The following ITGA1 variants were observed in gnomAD, a reference collection of about 807,000 sequenced individuals.
ITGA1 encodes the protein integrin subunit alpha 1.
Under a neutral mutation model 145.9 loss-of-function variants are expected in ITGA1, and 85 were observed. The ratio of observed to expected loss-of-function variants is 0.58; its 90% CI spans 0.49 to 0.70. The LOEUF (loss-of-function observed/expected upper bound fraction) is 0.70, where lower values mean the gene tolerates loss of function less well. Ranked by LOEUF, ITGA1 falls within the 30% of genes least tolerant of loss-of-function variation. ITGA1 has a pLI of 0.00. For synonymous variants in ITGA1, 520 were observed against 495.3 expected, an observed-to-expected ratio of 1.05 and a Z score of -0.66; for missense variants, 1,351 against 1,418.7, an observed-to-expected ratio of 0.95 and a Z score of 0.77.
In ITGA1 at chr5:52,846,457, A is replaced by G. The variant is rs148292745; in HGVS notation, c.62-2908A>G. Among the ~76,000 whole-genome samples the G allele has an allele frequency of 1.8e-4, 27 of 152,320 alleles. 1 individual carries two copies. In the South Asian group the frequency reaches 4.8e-3, roughly 27 times the overall value. The stretch of plus-strand genomic sequence containing the variant: ...GTGTCTAAACATATCTAAACATAGA[A>G]AAGGTACACTAAAGCTATTGTATTA... On this transcript the variant is annotated intron_variant, in intron 1 of 28. Coordinates refer to ENST00000282588, the MANE Select transcript of ITGA1 (RefSeq NM_181501.2).
chr5:52,931,021 T>C (rs771022463), intron 21 of ITGA1: 8 of 152,096 alleles, frequency 5.3e-5, no homozygotes, highest in Non-Finnish European at 8.8e-5. Context: ...CAAATACCTA[T>C]AATCCAAGGC....
chr5:52,889,089 C>T (rs7706201), intron 8 of ITGA1, among the ~76,000 whole-genome samples: 65,350 of 127,522 alleles, frequency 0.51, 15,068 homozygotes, highest in African/African-American at 0.64. Flanking sequence ...ATTTCAGTTG[C>T]TGCTCTAAAC....
At chr5:52,889,151 A>G (rs1027691594) in intron 8 of ITGA1, among the ~76,000 whole-genome samples, 1 of 151,270 alleles carries the variant, frequency 6.6e-6, no homozygotes, top group Non-Finnish European at 1.5e-5. Context: ...CCCAGGCTGG[A>G]GTGAAGTGGC....
intron 1 of ITGA1, among the ~76,000 whole-genome samples, chr5:52,811,406 T>C (rs988645604): frequency 1.3e-5 from 2 of 152,234 alleles, no homozygotes; most frequent in Non-Finnish European, 2.9e-5. Flanking sequence ...CTTGTTATTT[T>C]TGCGATCATG....
rs535804081 is a variant in ITGA1 at position 52,823,046 on chromosome 5, C to G, written c.62-26319C>G. 6.0e-4 allele frequency among the ~76,000 whole-genome samples: 92 copies of G among 152,196 alleles called. 1 individual carries two copies. Among genetic ancestry groups the G allele is most frequent in the African/African-American group, 2.1e-3 (88 of 41,540 alleles). ...TGTATTGCATGGTCAAAAGAGGGCTCCAAGGAACCAGGTCTAACAAGCTTT... is the reference window on the plus strand; with the variant it reads ...TGTATTGCATGGTCAAAAGAGGGCTGCAAGGAACCAGGTCTAACAAGCTTT... On this transcript the variant is annotated intron_variant, in intron 1 of 28. Coordinates refer to ENST00000282588, the MANE Select transcript of ITGA1 (RefSeq NM_181501.2).
chr5:52,839,323 T>G (rs1482348805), intron 1 of ITGA1, among the ~76,000 whole-genome samples: 2 of 152,238 alleles, frequency 1.3e-5, no homozygotes, highest in Non-Finnish European at 2.9e-5. Context: ...AATATGTTTT[T>G]TGTTTTCATT....
Position 52,952,429 on chromosome 5 carries a change from T to A in ITGA1, c.3518T>A (p.Leu1173Gln), listed in dbSNP as rs1477465099. 7.0e-7 allele frequency: 1 copy of A among 1,418,528 alleles called. No individual in the cohort carries two copies. Among genetic ancestry groups the A allele is most frequent in the Non-Finnish European group, 9.6e-7 (1 of 1,037,286 alleles). 87.9% of individuals were successfully genotyped at this position (1,418,528 alleles called of 1,614,324 possible). A position where few individuals can be genotyped will look rare whatever the true frequency, so the allele number is the denominator to read the frequency against. Reference protein sequence around the residue: ...LWKIGFFKRPLKKKMEK With the variant: ...LWKIGFFKRPQKKKMEK The stretch of plus-strand genomic sequence containing the variant: ...CAGATTGGATTCTTCAAAAGACCAC[T>A]GAAAAAGAAAATGGAGAAATGAAAT... Residue 1173 changes from leucine (L) to glutamine (Q), a missense_variant, in exon 29 of 29, where the codon CTG becomes CAG. Leu to Gln is a moderately radical substitution (Grantham distance 113). Coordinates refer to ENST00000282588, the MANE Select transcript of ITGA1 (RefSeq NM_181501.2).
Position 52,843,155 on chromosome 5 carries a change from A to G in ITGA1, c.62-6210A>G, listed in dbSNP as rs114493495. Among the ~76,000 whole-genome samples, 818 of 152,288 alleles carry G rather than the reference A, an allele frequency of 5.4e-3. 2 individuals carry two copies. The highest frequency in any genetic ancestry group is 8.5e-3 in the Non-Finnish European group (579 of 68,024). ...TCTCCAGGGATCACTATCTTTCTATACCACCAAAGAATTTGCCCTAAAACC... is the reference window on the plus strand; with the variant it reads ...TCTCCAGGGATCACTATCTTTCTATGCCACCAAAGAATTTGCCCTAAAACC... On this transcript the variant is annotated intron_variant, in intron 1 of 28. Coordinates refer to ENST00000282588, the MANE Select transcript of ITGA1 (RefSeq NM_181501.2).
intron 1 of ITGA1, among the ~76,000 whole-genome samples, chr5:52,795,813 A>C (rs13188662): frequency 6.6e-6 from 1 of 151,702 alleles, no homozygotes; most frequent in Non-Finnish European, 1.5e-5. Context: ...CAAATGAGAG[A>C]GCAGGACAAA....
intron 1 of ITGA1, among the ~76,000 whole-genome samples, chr5:52,848,341 A>G (rs1013265622): frequency 2.0e-5 from 3 of 152,202 alleles, no homozygotes; most frequent in African/African-American, 4.8e-5. Flanking sequence ...TGAAATGGGA[A>G]AATGAGCTGT....
chr5:52,843,684 G>C (rs144799854), intron 1 of ITGA1, among the ~76,000 whole-genome samples: 1 of 152,264 alleles, frequency 6.6e-6, no homozygotes, highest in African/African-American at 2.4e-5. Flanking sequence ...GACTTTTGAG[G>C]ATTGTTGTGA....
chr5:52,950,730 G>C (rs1268620276), intron 28 of ITGA1, among the ~76,000 whole-genome samples: 1 of 152,140 alleles, frequency 6.6e-6, no homozygotes, highest in Non-Finnish European at 1.5e-5. Context: ...TTTTAAAATA[G>C]AACATTTAAT....
At chr5:52,810,870 G>C (rs1199672965) in intron 1 of ITGA1, among the ~76,000 whole-genome samples, 5 of 152,192 alleles carry the variant, frequency 3.3e-5, no homozygotes, top group Non-Finnish European at 7.3e-5. Context: ...AAACGGGCAA[G>C]TAGGTAGGAA....
Position 52,847,814 on chromosome 5 carries a change from G to A in ITGA1, c.62-1551G>A, listed in dbSNP as rs187618256. On this transcript the variant is annotated intron_variant, in intron 1 of 28. Coordinates refer to ENST00000282588, the MANE Select transcript of ITGA1 (RefSeq NM_181501.2). The stretch of plus-strand genomic sequence containing the variant: ...AGGTGATCCACCCACCTCTCAAAGT[G>A]CTGGGATTACAGGCATGAGCCATCA... 1.5e-3 allele frequency among the ~76,000 whole-genome samples: 229 copies of A among 152,294 alleles called. 1 individual carries two copies. Among genetic ancestry groups the A allele is most frequent in the Non-Finnish European group, 2.5e-3 (167 of 68,030 alleles).
At chr5:52,820,052 T>C (rs1561217914) in intron 1 of ITGA1, among the ~76,000 whole-genome samples, 1 of 151,722 alleles carries the variant, frequency 6.6e-6, no homozygotes, top group Non-Finnish European at 1.5e-5. Context: ...ACTGTAGCCT[T>C]GTAGTATAAT....
chr5:52,864,126 A>C (rs901690865), intron 3 of ITGA1: 4 of 151,966 alleles, frequency 2.6e-5, no homozygotes, highest in African/African-American at 9.7e-5. Context: ...TTTCTTTTTT[A>C]GTGTGAGAAA....
intron 22 of ITGA1, chr5:52,933,187 CTCTCTT>C (rs1204700535): frequency 6.6e-6 from 1 of 151,968 alleles, no homozygotes; most frequent in East Asian, 1.9e-4. Flanking sequence ...CTATGGCACT[CTCTCTT>C]TACTAAATGG....
intron 1 of ITGA1, among the ~76,000 whole-genome samples, chr5:52,842,687 C>CTTT (rs34210679): frequency 6.8e-5 from 8 of 117,638 alleles, no homozygotes; most frequent in Admixed American, 8.6e-5. Context: ...GGAGCATCAT[C>CTTT]TTTTTTTTTT....
chr5:52,882,370 C>T (rs781515232), intron 7 of ITGA1, among the ~76,000 whole-genome samples: 5 of 151,852 alleles, frequency 3.3e-5, no homozygotes, highest in East Asian at 1.9e-4. Flanking sequence ...TCTAAAAGAA[C>T]GGATTAAAAA....
Sources: allele counts gnomAD v4.1 joint callset (sites outside exome capture counted in the v4.1 genomes callset), GRCh38; gene constraint gnomAD v4.1.1; transcripts MANE v1.5; gene names NCBI Gene and HGNC (gene_info 2026-07-23, HGNC 2026-07-21).